Variants in ERAP1 observed in about 807,000 individuals in gnomAD.
ERAP1 encodes adipocyte-derived leucine aminopeptidase.
ERAP1 carries 86 observed loss-of-function variants against 103.7 expected under a neutral mutation model. The ratio of observed to expected loss-of-function variants is 0.83; its 90% confidence interval spans 0.70 to 0.99. The LOEUF (loss-of-function observed/expected upper bound fraction) is 0.99, where lower values mean the gene tolerates loss of function less well. Among genes scored for constraint, ERAP1 ranks in the 50% least tolerant of loss-of-function variants. ERAP1 has a pLI of 0.00. For synonymous variants in ERAP1, 398 were observed against 402.4 expected (o/e 0.99, Z 0.13); for missense variants, 1,009 against 1,128.4 (o/e 0.89, Z 1.52).
At chr5:96,810,308 C>T (rs1048747051), upstream of ERAP1, among the ~76,000 whole-genome samples, 2 of 152,130 alleles carry the variant, frequency 1.3e-5, no homozygotes, top group South Asian at 4.1e-4. Flanking sequence ...CAGCACATTA[C>T]CGAGCTTAGA....
the ERAP1 span, chr5:96,892,279 T>G: frequency 6.2e-7 from 1 of 1,613,100 alleles, no homozygotes; most frequent in Non-Finnish European, 8.5e-7. Context: ...AACTCAAGTA[T>G]GGTTGTTCTT....
chr5:96,826,141 A>T, the ERAP1 span, among the ~76,000 whole-genome samples: 1 of 152,224 alleles, frequency 6.6e-6, no homozygotes, highest in African/African-American at 2.4e-5. Flanking sequence ...TTCTTTTGAA[A>T]TGCCTTTGCT....
the ERAP1 span, among the ~76,000 whole-genome samples, chr5:96,860,244 G>A: frequency 6.6e-6 from 1 of 151,950 alleles, no homozygotes; most frequent in Non-Finnish European, 1.5e-5. Context: ...GGTACAGACG[G>A]AGTTTCACCA....
intron 13 of ERAP1, among the ~76,000 whole-genome samples, chr5:96,784,505 A>C (rs1331913994): frequency 6.6e-6 from 1 of 152,074 alleles, no homozygotes; most frequent in Non-Finnish European, 1.5e-5. Context: ...AAACAAACAG[A>C]TAGATAACTA....
rs1776387629 is a variant in ERAP1, at chr5:96,788,752, C to T, written c.1525-67G>A. 2.5e-6 allele frequency: 4 copies of T among 1,574,808 alleles called. No homozygotes were observed. The East Asian group carries it at 9.2e-5, about 36-fold the overall frequency. On this transcript the variant is annotated intron_variant, in intron 10 of 18. Transcript: ENST00000443439. ...CCAACTCTAAGAAAAGAGAGAACAC[C>T]AGCTTATGCTCAAACAGCCGCTACC...
Position 96,768,072 on chromosome 5 carries a change from TATTG to T in ERAP1, c.2819-4848_2819-4845del, listed in dbSNP as rs1770669870. The T allele has an allele frequency of 6.2e-6, 6 of 966,212 alleles. No homozygotes were observed. In the East Asian group the frequency reaches 7.4e-5, roughly 12 times the overall value. The allele number at this position is 966,212 out of a possible 1,614,324, so 59.9% of individuals were successfully genotyped here. The stretch of plus-strand genomic sequence containing the variant: ...TGTGTACATACATATAAGTTTTATT[TATTG>T]ATTGATCTATCTATCGGTCTGTCTT... On this transcript the variant is annotated intron_variant, in intron 19 of 19. Coordinates refer to the ERAP1 transcript ENST00000296754.
the ERAP1 span, among the ~76,000 whole-genome samples, chr5:96,831,707 G>C: frequency 6.6e-6 from 1 of 152,204 alleles, no homozygotes; most frequent in Admixed American, 6.5e-5. Context: ...AATAGCATCT[G>C]TCTGGCTGGG....
At chr5:96,843,883 C>T in the ERAP1 span, among the ~76,000 whole-genome samples, 353 of 152,318 alleles carry the variant, frequency 2.3e-3, 3 homozygotes, top group East Asian at 0.02. Flanking sequence ...TAACTAATTG[C>T]AAATCACAAA....
upstream of ERAP1, among the ~76,000 whole-genome samples, chr5:96,809,532 T>A (rs79528129): frequency 0.016 from 2,506 of 152,320 alleles, 61 homozygotes; most frequent in African/African-American, 0.057. Context: ...GTTTCCTTTT[T>A]AAAAATATAA....
At chr5:96,794,029 A>G in intron 5 of ERAP1, 72 bp from the exon 6 acceptor site, 1 of 1,501,012 alleles carries the variant, frequency 6.7e-7, no homozygotes, top group Non-Finnish European at 9.3e-7. Context: ...AATCTTCAGA[A>G]TGGATAGGTG....
intron 19 of ERAP1, among the ~76,000 whole-genome samples, chr5:96,765,551 A>G (rs1162979449): frequency 3.9e-5 from 6 of 152,086 alleles, no homozygotes; most frequent in Non-Finnish European, 8.8e-5. Context: ...TCTGGGAGGT[A>G]GGTGTGGGGT....
chr5:96,898,101 CAGG>C, the ERAP1 span, among the ~76,000 whole-genome samples: 2 of 152,086 alleles, frequency 1.3e-5, no homozygotes, highest in African/African-American at 2.4e-5. Context: ...GAGGCTAAGG[CAGG>C]AGAATCACTT....
rs1282281696 is a variant in ERAP1, at chr5:96,775,602, A to G, written c.*794T>C. On this transcript the variant is annotated 3_prime_UTR_variant, in exon 19 of 19. Coordinates refer to ENST00000443439, the MANE Select transcript of ERAP1 (RefSeq NM_001040458.3). ...TTGCAAAAGTGCGAGCACATTATGT[A>G]GAAACCACAAGTCCGCCAGGACTAG... The G allele has an allele frequency of 4.6e-6, 3 of 652,552 alleles. No homozygotes were observed. The highest frequency in any genetic ancestry group is 5.7e-6 in the Non-Finnish European group (3 of 526,238). The allele number at this position is 652,552 out of a possible 1,614,324, so 40.4% of individuals were successfully genotyped here.
At chr5:96,923,795 C>G in the ERAP1 span, among the ~76,000 whole-genome samples, 2 of 152,080 alleles carry the variant, frequency 1.3e-5, no homozygotes, top group South Asian at 4.1e-4. Context: ...TTCCTTTGGA[C>G]TAATAAAAAG....
chr5:96,909,894 C>G, the ERAP1 span: 1 of 835,752 alleles, frequency 1.2e-6, no homozygotes, highest in South Asian at 1.8e-5. Flanking sequence ...ATTACAAACC[C>G]TGTTTCATGC....
At chr5:96,842,880 T>G in the ERAP1 span, among the ~76,000 whole-genome samples, 2 of 152,216 alleles carry the variant, frequency 1.3e-5, no homozygotes, top group Non-Finnish European at 2.9e-5. Context: ...GGATTTTTTT[T>G]CCACTGTTAT....
chr5:96,911,837 A>G, the ERAP1 span, among the ~76,000 whole-genome samples: 77 of 148,704 alleles, frequency 5.2e-4, 1 homozygote, highest in Admixed American at 2.1e-3. Context: ...ACTGCACTCC[A>G]ACCTGAACAA....
At chr5:96,932,813 T>A in the ERAP1 span, among the ~76,000 whole-genome samples, 3 of 152,238 alleles carry the variant, frequency 2.0e-5, no homozygotes, top group African/African-American at 7.2e-5. Context: ...CCTGTCATGC[T>A]ATTTATTATG....
intron 10 of ERAP1, among the ~76,000 whole-genome samples, chr5:96,789,163 A>G (rs190646661): frequency 6.6e-6 from 1 of 152,218 alleles, no homozygotes. Context: ...CTGTTTTTTG[A>G]TACTAAAAAA....
Sources: allele counts gnomAD v4.1 joint callset (sites outside exome capture counted in the v4.1 genomes callset), GRCh38; gene constraint gnomAD v4.1.1; transcripts MANE v1.5; gene names NCBI Gene and HGNC (gene_info 2026-07-23, HGNC 2026-07-21).